MARK3: variants seen among roughly 807,000 people sequenced by gnomAD.
MARK3 encodes MAP/microtubule affinity-regulating kinase 3.
A neutral mutation model predicts 90.1 loss-of-function variants in MARK3; 46 were observed. The ratio of observed to expected loss-of-function variants is 0.51; its 90% CI spans 0.40 to 0.65. The LOEUF is 0.65. MARK3 is among the 30% of genes least tolerant of loss of function. The pLI is 0.00. For missense variants in MARK3, 818 were observed against 947.2 expected, an observed-to-expected ratio of 0.86 and a Z score of 1.79; for synonymous variants, 321 against 332.6, an observed-to-expected ratio of 0.97 and a Z score of 0.38.
intron 2 of MARK3, among the ~76,000 whole-genome samples, chr14:103,424,929 CATTTATTT>C (rs904602791): frequency 6.6e-6 from 1 of 151,930 alleles, no homozygotes; most frequent in African/African-American, 2.4e-5. Flanking sequence ...ATCAACTCAG[CATTTATTT>C]ATTTATTTAT....
intron 3 of MARK3, among the ~76,000 whole-genome samples, chr14:103,440,823 G>T (rs2092831823): frequency 6.7e-6 from 1 of 148,872 alleles, no homozygotes; most frequent in Non-Finnish European, 1.5e-5. Context: ...CATAGCTGTG[G>T]TCTCAGATAA....
intron 2 of MARK3, among the ~76,000 whole-genome samples, chr14:103,420,909 T>TTC (rs1555378113): frequency 1.3e-5 from 2 of 152,162 alleles, no homozygotes; most frequent in African/African-American, 4.8e-5. Context: ...GCCTTTTTTT[T>TTC]CATTTTTGTA....
chr14:103,461,712 T>C (rs2093404354), intron 6 of MARK3, among the ~76,000 whole-genome samples: 1 of 151,858 alleles, frequency 6.6e-6, no homozygotes, highest in African/African-American at 2.4e-5. Context: ...TAACCGCTGG[T>C]TTGGTTTGGA....
intron 2 of MARK3, among the ~76,000 whole-genome samples, chr14:103,423,486 C>A (rs1175913774): frequency 3.3e-5 from 5 of 152,122 alleles, no homozygotes; most frequent in African/African-American, 1.2e-4. Context: ...TAGTGAGCCC[C>A]CTTGGTGTTT....
At chr14:103,483,361 G>A (rs978545181) in intron 14 of MARK3, among the ~76,000 whole-genome samples, 1 of 152,106 alleles carries the variant, frequency 6.6e-6, no homozygotes, top group African/African-American at 2.4e-5. Context: ...ATTTCAACAT[G>A]AGAATAATGA....
intron 2 of MARK3, among the ~76,000 whole-genome samples, chr14:103,414,754 T>C (rs1449713739): frequency 6.6e-6 from 1 of 152,180 alleles, no homozygotes; most frequent in Non-Finnish European, 1.5e-5. Context: ...TGTAGAATTA[T>C]ATCGTGAAAA....
Position 103,474,999 on chromosome 14 carries a change from C to T in MARK3, c.1271C>T (p.Pro424Leu). Residue 424 changes from proline (P) to leucine (L), a missense_variant, in exon 13 of 18, where the codon CCA (proline) becomes CTA (leucine). Coordinates refer to ENST00000429436, the MANE Select transcript of MARK3 (RefSeq NM_001128918.3). The stretch of plus-strand genomic sequence containing the variant: ...AATGAACTCTTTATTTTAGCTGGAC[C>T]AGCTATTCCTTCTGTTGTGGCGTAT... The part of the protein sequence containing the change: ...KQRRYSDHAG[P>L]AIPSVVAYPK... 1.2e-6 allele frequency: 2 copies of T among 1,609,992 alleles called. No homozygotes were observed. The highest frequency in any genetic ancestry group is 1.7e-6 in the Non-Finnish European group (2 of 1,176,540).
intron 14 of MARK3, 94 bp from the exon 15 acceptor site, chr14:103,491,683 T>C (rs1336612212): frequency 7.2e-7 from 1 of 1,388,188 alleles, no homozygotes; most frequent in Non-Finnish European, 9.8e-7. Flanking sequence ...GGATTTTTTA[T>C]ACCCGATTTT....
intron 1 of MARK3, among the ~76,000 whole-genome samples, chr14:103,403,702 C>G (rs1212985141): frequency 6.6e-6 from 1 of 152,148 alleles, no homozygotes; most frequent in Non-Finnish European, 1.5e-5. Context: ...ATCTTGTGCA[C>G]AACAAAATCT....
chr14:103,422,105 A>G (rs770614662), intron 2 of MARK3, among the ~76,000 whole-genome samples: 1 of 152,162 alleles, frequency 6.6e-6, no homozygotes, highest in African/African-American at 2.4e-5. Flanking sequence ...GGCATTATCT[A>G]TTGACATTTT....
At chr14:103,462,285 T>G in intron 6 of MARK3, 120 bp from the exon 7 acceptor site, 1 of 627,618 alleles carries the variant, frequency 1.6e-6, no homozygotes, top group South Asian at 3.3e-5. Flanking sequence ...TTTTTAGAAA[T>G]CCACACGGAC....
intron 3 of MARK3, among the ~76,000 whole-genome samples, chr14:103,447,046 G>C (rs1054825399): frequency 2.0e-5 from 3 of 152,260 alleles, no homozygotes; most frequent in African/African-American, 7.2e-5. Context: ...AGATAAAAAT[G>C]CTCCTCCCTT....
chr14:103,478,008 A>AAAAAG, intron 13 of MARK3, among the ~76,000 whole-genome samples: 1 of 149,952 alleles, frequency 6.7e-6, no homozygotes, highest in East Asian at 2.0e-4. Flanking sequence ...TTAAAAAAAA[A>AAAAAG]AAAAGTGGCC....
In MARK3 at chr14:103,475,133, A is replaced by G. The variant is rs747082790; in HGVS notation, c.1405A>G (p.Ser469Gly). ...TGGAGGAAAGGGAATTGCTCCAGCC[A>G]GTCCCATGCTTGGGAATGCAAGTAA... ...AVGGKGIAPA[S>G]PMLGNASNPN... The change falls in exon 13 of 18, where the codon AGT (serine) becomes GGT (glycine). Residue 469 changes from serine to glycine, a missense_variant. Ser to Gly is a moderately conservative substitution (Grantham distance 56). Around this residue, in one of 3 missense-constraint regions of MARK3, gnomAD observed 560 missense variants for 613.5 expected, o/e 0.91. Coordinates refer to ENST00000429436, the MANE Select transcript of MARK3 (RefSeq NM_001128918.3). The G allele has an allele frequency of 7.4e-6, 12 of 1,614,106 alleles. No individual in the cohort carries two copies. Among genetic ancestry groups the G allele is most frequent in the African/African-American group, 1.3e-5 (1 of 74,942 alleles).
chr14:103,396,393 C>A (rs2090581633), intron 1 of MARK3, among the ~76,000 whole-genome samples: 1 of 151,856 alleles, frequency 6.6e-6, no homozygotes, highest in Non-Finnish European at 1.5e-5. Context: ...TATCTGTTAC[C>A]ACTTTTATTT....
Position 103,428,446 on chromosome 14 carries a change from A to G in MARK3, c.297+6A>G, listed in dbSNP as rs953552856. 1 of 1,500,132 alleles carries G rather than the reference A, an allele frequency of 6.7e-7. No individual in the cohort carries two copies. Among genetic ancestry groups the G allele is most frequent in the Admixed American group, 2.1e-5 (1 of 48,588 alleles). 92.9% of individuals were successfully genotyped at this position (1,500,132 alleles called of 1,614,324 possible). ...ATCCAACAAGTCTACAAAAGGTAAG[A>G]TTGGTTCAATGTCTAGTACTTTTTA... On this transcript the variant is annotated splice_donor_region_variant and intron_variant, in intron 3 of 17. Transcript: ENST00000429436.
intron 14 of MARK3, among the ~76,000 whole-genome samples, chr14:103,489,148 A>C (rs1316240037): frequency 6.6e-6 from 1 of 152,242 alleles, no homozygotes; most frequent in Non-Finnish European, 1.5e-5. Context: ...TGGATCAGAT[A>C]ACACTTCATA....
intron 2 of MARK3, among the ~76,000 whole-genome samples, chr14:103,413,429 C>CT (rs33971338): frequency 0.27 from 34,961 of 131,492 alleles, 6,017 homozygotes; most frequent in Middle Eastern, 0.43. Flanking sequence ...TAATAGCATG[C>CT]TTTTTTTTTT....
intron 14 of MARK3, chr14:103,491,068 T>TA: frequency 7.8e-7 from 1 of 1,287,742 alleles, no homozygotes. Context: ...AAGATGATGT[T>TA]ACCTCCAATA....
Sources: allele counts gnomAD v4.1 joint callset (sites outside exome capture counted in the v4.1 genomes callset), GRCh38; gene constraint gnomAD v4.1.1; regional missense constraint gnomAD v4.1.1; transcripts MANE v1.5; gene names NCBI Gene and HGNC (gene_info 2026-07-23, HGNC 2026-07-21).